UGT2B4: variants seen among roughly 807,000 people sequenced by gnomAD.
UGT2B4 encodes UDP glucuronosyltransferase family 2 member B4, also known as UDP-glucuronosyltransferase 2B4.
UGT2B4 carries 49 observed loss-of-function variants against 49.8 expected under a neutral mutation model. That is an observed-to-expected ratio of 0.98 (90% CI 0.78 to 1.25). UGT2B4 has a LOEUF of 1.25. Among genes scored for constraint, UGT2B4 ranks in the 50% most tolerant of loss-of-function variants. The pLI is 0.00. For missense variants in UGT2B4, 729 were observed against 627.7 expected (o/e 1.16, Z -1.73); for synonymous variants, 246 against 217.7 (o/e 1.13, Z -1.14).
In UGT2B4 at chr4:69,521,459, G is replaced by A. The variant is rs114244402; in HGVS notation, c.-106+4228C>T. ...CTGCAGCAGAAGCTGTGTGCAGTAC[G>A]TCTGGTCCAGCTGCAGCTTCACACA... On this transcript the variant is annotated intron_variant, in intron 1 of 1. Coordinates refer to the UGT2B4 transcript ENST00000510114. Among the ~76,000 whole-genome samples the A allele has an allele frequency of 8.4e-3, 1,285 of 152,262 alleles. 15 individuals carry two copies. The highest frequency in any genetic ancestry group is 0.027 in the African/African-American group (1,128 of 41,530).
intron 1 of UGT2B4, among the ~76,000 whole-genome samples, chr4:69,503,131 C>A (rs1728385700): frequency 1.3e-5 from 2 of 152,162 alleles, no homozygotes; most frequent in Non-Finnish European, 2.9e-5. Flanking sequence ...TAGACTTTAG[C>A]CCTAGGGGAA....
Position 69,485,276 on chromosome 4 carries a change from A to G in UGT2B4, c.1242T>C (p.Ser414=). 2.5e-6 allele frequency: 4 copies of G among 1,613,994 alleles called. No homozygotes were observed. Among genetic ancestry groups the G allele is most frequent in the Non-Finnish European group, 2.5e-6 (3 of 1,179,948 alleles). ...TACTCGACATTGTGTGGAAGTCCAA[A>G]CTAACAGCTGCTCCCTTGGCCTTCA... ...AHMKAKGAAV[S]LDFHTMSSTD... is the part of the protein sequence containing the mutation. The change falls in exon 5 of 6, where the codon AGT becomes AGC. Residue 414 remains serine, a synonymous_variant. Coordinates refer to ENST00000305107, the MANE Select transcript of UGT2B4 (RefSeq NM_021139.3).
chr4:69,519,251 T>C (rs532360869), intron 1 of UGT2B4, among the ~76,000 whole-genome samples: 1 of 152,176 alleles, frequency 6.6e-6, no homozygotes, highest in Admixed American at 6.5e-5. Context: ...CAGCCATGAA[T>C]TGGCATATAA....
rs1159745432 is a variant in UGT2B4, at chr4:69,480,910, T to G, written c.1311A>C (p.Leu437Phe). ...ATAATTTCATAGCATTCTCTTTATATCTAAACGATAAGCAGAAAAGTATCA... is the reference window on the plus strand; with the variant it reads ...ATAATTTCATAGCATTCTCTTTATAGCTAAACGATAAGCAGAAAAGTATCA... ...NALKTVINDP[L>F]YKENAMKLSR... The change falls in exon 6 of 6, where the codon TTA becomes TTC. Residue 437 changes from leucine (L) to phenylalanine (F), a missense_variant and splice_region_variant. Physicochemically the swap from Leu to Phe is conservative, Grantham distance 22. Coordinates refer to ENST00000305107, the MANE Select transcript of UGT2B4 (RefSeq NM_021139.3). The G allele has an allele frequency of 1.9e-6, 3 of 1,612,658 alleles. No individual in the cohort carries two copies. The highest frequency in any genetic ancestry group is 2.5e-6 in the Non-Finnish European group (3 of 1,179,182).
intron 1 of UGT2B4, among the ~76,000 whole-genome samples, chr4:69,520,200 A>G (rs571029476): frequency 1.2e-4 from 18 of 152,248 alleles, no homozygotes; most frequent in Non-Finnish European, 2.1e-4. Flanking sequence ...TGACACAATT[A>G]CAGACATTAG....
chr4:69,500,658 A>AAAGGAAGG, upstream of UGT2B4, among the ~76,000 whole-genome samples: 1 of 118,738 alleles, frequency 8.4e-6, no homozygotes, highest in East Asian at 2.1e-4. Flanking sequence ...AGAAAGAAAG[A>AAAGGAAGG]AAGAAAGAAA....
chr4:69,496,820 A>AT (rs1185517133), upstream of UGT2B4, among the ~76,000 whole-genome samples: 2 of 152,262 alleles, frequency 1.3e-5, no homozygotes, highest in Non-Finnish European at 2.9e-5. Context: ...TTAGCATAAT[A>AT]TTTTAAAGGT....
intron 4 of UGT2B4, among the ~76,000 whole-genome samples, chr4:69,486,154 A>C (rs901483889): frequency 6.6e-6 from 1 of 152,138 alleles, no homozygotes; most frequent in Non-Finnish European, 1.5e-5. Context: ...GAATTGAGGA[A>C]AGACAGGTCA....
upstream of UGT2B4, among the ~76,000 whole-genome samples, chr4:69,496,670 C>T (rs115701093): frequency 5.1e-4 from 77 of 152,190 alleles, no homozygotes; most frequent in African/African-American, 1.8e-3. Context: ...CCTTTTACTC[C>T]CTACCCCTTC....
intron 5 of UGT2B4, among the ~76,000 whole-genome samples, chr4:69,482,814 A>T (rs1994936): frequency 6.6e-6 from 1 of 151,632 alleles, no homozygotes; most frequent in Non-Finnish European, 1.5e-5. Flanking sequence ...CACCATGTTC[A>T]TCAGGCTTGT....
intron 1 of UGT2B4, among the ~76,000 whole-genome samples, chr4:69,513,207 G>T (rs1379027139): frequency 6.6e-6 from 1 of 152,004 alleles, no homozygotes; most frequent in East Asian, 1.9e-4. Context: ...TAGAGTTTTT[G>T]CAGTTTGGGG....
Position 69,495,887 on chromosome 4 carries a change from C to A in UGT2B4, c.-26G>T, listed in dbSNP as rs1728149046. On this transcript the variant is annotated 5_prime_UTR_variant, in exon 1 of 6. Transcript: ENST00000305107. ...CCTGATGCAATGCAATGCTTGTTTT[C>A]CAGTTGCTGCTCCTTTCTGTCATTT... 3 of 1,549,478 alleles carry A rather than the reference C, an allele frequency of 1.9e-6. No homozygotes were observed. The highest frequency in any genetic ancestry group is 8.7e-7 in the Non-Finnish European group (1 of 1,151,648).
intron 1 of UGT2B4, among the ~76,000 whole-genome samples, chr4:69,502,601 C>T (rs1359273168): frequency 6.6e-6 from 1 of 152,116 alleles, no homozygotes; most frequent in African/African-American, 2.4e-5. Flanking sequence ...ATGTGGTTGC[C>T]TGTTCCCATA....
At chr4:69,485,139 A>T in intron 5 of UGT2B4, 69 bp downstream of exon 5, 2 of 1,537,820 alleles carry the variant, frequency 1.3e-6, no homozygotes, top group Non-Finnish European at 1.8e-6. Context: ...AAAGGATAAA[A>T]GTCATACTCA....
At chr4:69,483,990 A>G (rs1727690077) in intron 5 of UGT2B4, among the ~76,000 whole-genome samples, 1 of 152,198 alleles carries the variant, frequency 6.6e-6, no homozygotes, top group Non-Finnish European at 1.5e-5. Context: ...AAAATGTTTC[A>G]AAGATTAAAA....
chr4:69,480,688 A>T lies in UGT2B4; in HGVS notation c.1533T>A (p.Cys511Ter). Residue 511 changes from cysteine (C) to a stop codon, truncating the protein, a stop_gained, in exon 6 of 6, where the codon TGT becomes TGA. Transcript: ENST00000305107. LOFTEE classifies it high-confidence loss of function. ...TAACAAACTTCCAGACACAAAACAGACATTTTGTGATGATGAATATCACAG... is the reference window on the plus strand; with the variant it reads ...TAACAAACTTCCAGACACAAAACAGTCATTTTGTGATGATGAATATCACAG... ...VATVIFIITK[C>*]LFCVWKFVRT... is the part of the protein sequence containing the mutation. The T allele has an allele frequency of 6.2e-7, 1 of 1,614,054 alleles. No homozygotes were observed. The highest frequency in any genetic ancestry group is 8.5e-7 in the Non-Finnish European group (1 of 1,179,984).
chr4:69,518,357 A>G (rs1359306918), intron 1 of UGT2B4: 1 of 152,220 alleles, frequency 6.6e-6, no homozygotes, highest in Non-Finnish European at 1.5e-5. Flanking sequence ...AGCACAGCAG[A>G]GCTGAGGTAG....
At chr4:69,519,816 T>C (rs926518382) in intron 1 of UGT2B4, among the ~76,000 whole-genome samples, 1 of 152,220 alleles carries the variant, frequency 6.6e-6, no homozygotes, top group Non-Finnish European at 1.5e-5. Context: ...AATGTGTAAC[T>C]TACTGCTTCC....
chr4:69,513,077 A>G (rs1476246881), intron 1 of UGT2B4, among the ~76,000 whole-genome samples: 1 of 152,040 alleles, frequency 6.6e-6, no homozygotes, highest in African/African-American at 2.4e-5. Context: ...TGCAAAACCT[A>G]TTTAGTTTAA....
Sources: allele counts gnomAD v4.1 joint callset (sites outside exome capture counted in the v4.1 genomes callset), GRCh38; gene constraint gnomAD v4.1.1; transcripts MANE v1.5; gene names NCBI Gene and HGNC (gene_info 2026-07-23, HGNC 2026-07-21).